Variants in MAGI2 observed in about 807,000 individuals in gnomAD.
MAGI2 encodes the protein membrane associated guanylate kinase, WW and PDZ domain containing 2, also known as membrane-associated guanylate kinase, WW and PDZ domain-containing protein 2.
MAGI2 carries 35 observed loss-of-function variants against 133.3 expected under a neutral mutation model. The observed-to-expected ratio is 0.26, with a 90% CI of 0.20 to 0.35. The LOEUF (loss-of-function observed/expected upper bound fraction) is 0.35, where lower values mean the gene tolerates loss of function less well. Among genes scored for constraint, MAGI2 ranks in the 10% least tolerant of loss-of-function variants. MAGI2 has a pLI of 1.00. For missense variants in MAGI2, 1,636 were observed against 1,863.4 expected, an observed-to-expected ratio of 0.88 and a Z score of 2.25; for synonymous variants, 729 against 710.6, an observed-to-expected ratio of 1.03 and a Z score of -0.41.
chr7:79,404,893 G>A (rs1284414647), intron 1 of MAGI2, among the ~76,000 whole-genome samples: 1 of 152,034 alleles, frequency 6.6e-6, no homozygotes, highest in East Asian at 1.9e-4. Context: ...GTCCTCCTAG[G>A]CCCAAAGGAG....
At chr7:79,302,092 T>G (rs1015845727) in intron 1 of MAGI2, among the ~76,000 whole-genome samples, 16 of 152,178 alleles carry the variant, frequency 1.1e-4, no homozygotes, top group Non-Finnish European at 2.4e-4. Flanking sequence ...AAAAGTAAAT[T>G]ACCCAGGCTC....
At chr7:78,279,526 C>T (rs189504463) in intron 9 of MAGI2, among the ~76,000 whole-genome samples, 1 of 152,024 alleles carries the variant, frequency 6.6e-6, no homozygotes, top group Non-Finnish European at 1.5e-5. Flanking sequence ...TGAATGATAG[C>T]CTAAATTCAA....
At chr7:79,330,710 A>G (rs999467655) in intron 1 of MAGI2, among the ~76,000 whole-genome samples, 2 of 152,042 alleles carry the variant, frequency 1.3e-5, no homozygotes, top group African/African-American at 4.8e-5. Context: ...TTTCTCATAC[A>G]CTAAGTGGAA....
intron 2 of MAGI2, among the ~76,000 whole-genome samples, chr7:78,687,642 A>G (rs1816474502): frequency 6.6e-6 from 1 of 152,140 alleles, no homozygotes. Context: ...TTTTCTGGAT[A>G]ACTGAAGGAA....
chr7:78,461,039 A>C (rs1789930421), intron 6 of MAGI2, among the ~76,000 whole-genome samples: 1 of 151,874 alleles, frequency 6.6e-6, no homozygotes, highest in Non-Finnish European at 1.5e-5. Flanking sequence ...TCTTTCTAAC[A>C]ACCTTTCTAT....
chr7:78,651,656 G>C (rs1330484958), intron 2 of MAGI2, among the ~76,000 whole-genome samples: 1 of 152,084 alleles, frequency 6.6e-6, no homozygotes, highest in Non-Finnish European at 1.5e-5. Context: ...TATTCTATAT[G>C]TATAATTATT....
intron 3 of MAGI2, among the ~76,000 whole-genome samples, chr7:78,571,836 A>T (rs979161157): frequency 3.3e-5 from 5 of 152,236 alleles, no homozygotes; most frequent in Non-Finnish European, 5.9e-5. Context: ...ATCTGGTATC[A>T]AAAGCAAGAC....
chr7:79,146,838 T>A (rs977872644), intron 1 of MAGI2, among the ~76,000 whole-genome samples: 1 of 152,248 alleles, frequency 6.6e-6, no homozygotes, highest in African/African-American at 2.4e-5. Context: ...GGATAATGTC[T>A]TTTCCATCTA....
At chr7:78,572,616 C>T (rs1801619800) in intron 3 of MAGI2, among the ~76,000 whole-genome samples, 1 of 152,054 alleles carries the variant, frequency 6.6e-6, no homozygotes, top group Admixed American at 6.6e-5. Context: ...TGGATGCAAT[C>T]ATTATCTACT....
At chr7:79,237,867 C>G (rs1391798068) in intron 1 of MAGI2, among the ~76,000 whole-genome samples, 1 of 152,072 alleles carries the variant, frequency 6.6e-6, no homozygotes, top group Non-Finnish European at 1.5e-5. Context: ...TGTACATATG[C>G]CTTTGATTGA....
At chr7:79,017,991 A>G (rs1306102943) in intron 1 of MAGI2, among the ~76,000 whole-genome samples, 1 of 152,196 alleles carries the variant, frequency 6.6e-6, no homozygotes, top group African/African-American at 2.4e-5. Flanking sequence ...GAGAGAAACC[A>G]AGCAACTTGG....
chr7:78,420,551 A>ATT (rs11404417), intron 6 of MAGI2, among the ~76,000 whole-genome samples: 1,929 of 148,598 alleles, frequency 0.013, 13 homozygotes, highest in African/African-American at 0.025. Context: ...TTGAAATGAG[A>ATT]TTTTTTTTTT....
chr7:78,168,119 A>C lies in MAGI2; in HGVS notation c.2404-11T>G. On this transcript the variant is annotated splice_polypyrimidine_tract_variant and intron_variant, in intron 14 of 21. Coordinates refer to ENST00000354212, the MANE Select transcript of MAGI2 (RefSeq NM_012301.4). The stretch of plus-strand genomic sequence containing the variant: ...AGCTCCAATCAAAATCTAGAGAAGC[A>C]GTGAGAAGGAAAGGACATTCACATT... 1.2e-6 allele frequency: 2 copies of C among 1,610,238 alleles called. No homozygotes were observed. The highest frequency in any genetic ancestry group is 1.7e-6 in the Non-Finnish European group (2 of 1,177,242).
At chr7:78,907,016 G>A (rs566847074) in intron 2 of MAGI2, among the ~76,000 whole-genome samples, 1 of 152,284 alleles carries the variant, frequency 6.6e-6, no homozygotes, top group African/African-American at 2.4e-5. Flanking sequence ...ACTAGACAAT[G>A]GGTGTATGCA....
intron 1 of MAGI2, among the ~76,000 whole-genome samples, chr7:79,217,879 G>C (rs1470542758): frequency 2.0e-5 from 3 of 151,970 alleles, no homozygotes; most frequent in Non-Finnish European, 4.4e-5. Context: ...ATTTATTAAT[G>C]TAGTTGTTTC....
intron 2 of MAGI2, among the ~76,000 whole-genome samples, chr7:78,896,669 G>C (rs1315648633): frequency 6.6e-6 from 1 of 151,878 alleles, no homozygotes; most frequent in Non-Finnish European, 1.5e-5. Context: ...CTGGCTTCAA[G>C]CGATTCTCGT....
At chr7:78,935,687 C>T (rs776661490) in intron 2 of MAGI2, among the ~76,000 whole-genome samples, 7 of 151,904 alleles carry the variant, frequency 4.6e-5, no homozygotes, top group Non-Finnish European at 7.4e-5. Context: ...TTCATGGGAT[C>T]GTTATCTCTT....
At chr7:78,573,307 TATATAA>T (rs1401644995) in intron 3 of MAGI2, among the ~76,000 whole-genome samples, 2 of 49,806 alleles carry the variant, frequency 4.0e-5, no homozygotes, top group Non-Finnish European at 3.7e-5. Flanking sequence ...TATATTTATA[TATATAA>T]ATATATAAAT....
chr7:79,347,630 C>T (rs1331844685), intron 1 of MAGI2, among the ~76,000 whole-genome samples: 2 of 151,900 alleles, frequency 1.3e-5, no homozygotes, highest in Non-Finnish European at 2.9e-5. Context: ...TTCCAATGTA[C>T]CAGACTTGCC....
Sources: allele counts gnomAD v4.1 joint callset (sites outside exome capture counted in the v4.1 genomes callset), GRCh38; gene constraint gnomAD v4.1.1; transcripts MANE v1.5; gene names NCBI Gene and HGNC (gene_info 2026-07-23, HGNC 2026-07-21).